SHROOM3: variants seen among roughly 807,000 people sequenced by gnomAD.
The protein encoded by SHROOM3 is protein Shroom3.
Under a neutral mutation model 138.6 loss-of-function variants are expected in SHROOM3, and 47 were observed. The ratio of observed to expected loss-of-function variants is 0.34; its 90% CI spans 0.27 to 0.43. The LOEUF is 0.43. Ranked by LOEUF, SHROOM3 falls within the 20% of genes least tolerant of loss-of-function variation. The probability of loss-of-function intolerance (pLI) is 1.00; values close to 1 mark genes in which losing one functional copy is unlikely to be tolerated. For missense variants in SHROOM3, 2,491 were observed against 2,596.5 expected (o/e 0.96, Z 0.88); for synonymous variants, 1,062 against 1,063.3 (o/e 1.00, Z 0.02).
intron 2 of SHROOM3, among the ~76,000 whole-genome samples, chr4:76,566,618 T>A (rs766216082): frequency 2.6e-5 from 4 of 152,202 alleles, no homozygotes; most frequent in Non-Finnish European, 5.9e-5. Context: ...TTTATTTAAT[T>A]TAACTGCTCT....
intron 1 of SHROOM3, among the ~76,000 whole-genome samples, chr4:76,548,368 G>A (rs1309603810): frequency 6.6e-6 from 1 of 152,176 alleles, no homozygotes; most frequent in Non-Finnish European, 1.5e-5. Flanking sequence ...AAACCCTGGA[G>A]AAGCACAACA....
At chr4:76,761,667 A>C (rs1721991528) in intron 9 of SHROOM3, among the ~76,000 whole-genome samples, 1 of 152,176 alleles carries the variant, frequency 6.6e-6, no homozygotes, top group Non-Finnish European at 1.5e-5. Flanking sequence ...GGGTATAACT[A>C]ACCAGAGCTA....
chr4:76,622,461 G>A (rs1175323951), intron 2 of SHROOM3, among the ~76,000 whole-genome samples: 1 of 151,974 alleles, frequency 6.6e-6, no homozygotes, highest in African/African-American at 2.4e-5. Context: ...CAAACGAACT[G>A]GTTCTTATGT....
At chr4:76,614,345 C>T (rs756548012) in intron 2 of SHROOM3, among the ~76,000 whole-genome samples, 4 of 152,120 alleles carry the variant, frequency 2.6e-5, no homozygotes, top group Non-Finnish European at 4.4e-5. Flanking sequence ...TGAGCCACTG[C>T]GCCCGGTCCT....
At chr4:76,567,699 G>A (rs1733755514) in intron 2 of SHROOM3, among the ~76,000 whole-genome samples, 1 of 152,026 alleles carries the variant, frequency 6.6e-6, no homozygotes, top group Admixed American at 6.6e-5. Flanking sequence ...TTTCTTTAAA[G>A]GTGTCTCTTA....
At chr4:76,758,269 T>C (rs1721884694) in intron 8 of SHROOM3, 1 of 152,188 alleles carries the variant, frequency 6.6e-6, no homozygotes, top group Non-Finnish European at 1.5e-5. Context: ...TTTGTAGGTG[T>C]GCCAGTCAGT....
intron 2 of SHROOM3, among the ~76,000 whole-genome samples, chr4:76,595,484 C>G (rs1445978447): frequency 2.0e-5 from 3 of 152,176 alleles, no homozygotes; most frequent in African/African-American, 7.2e-5. Context: ...TGCTGCAGCT[C>G]CAGGCATCAC....
chr4:76,614,257 T>C (rs906276981), intron 2 of SHROOM3, among the ~76,000 whole-genome samples: 1 of 152,070 alleles, frequency 6.6e-6, no homozygotes, highest in Non-Finnish European at 1.5e-5. Flanking sequence ...GGTTTCACCA[T>C]GTTAGCCAGG....
At chr4:76,709,927 C>T in intron 2 of SHROOM3, 2 of 510,884 alleles carry the variant, frequency 3.9e-6, no homozygotes, top group African/African-American at 1.9e-5. Flanking sequence ...TGCTTTATTG[C>T]TTCAGAGGAA....
At chr4:76,775,718 GTATATACACA>G (rs1358018159) in intron 10 of SHROOM3, among the ~76,000 whole-genome samples, 2 of 149,996 alleles carry the variant, frequency 1.3e-5, no homozygotes, top group Non-Finnish European at 3.0e-5. Context: ...TTGTATATGT[GTATATACACA>G]TATATACACA....
intron 2 of SHROOM3, among the ~76,000 whole-genome samples, chr4:76,599,518 C>G (rs1273858146): frequency 6.6e-6 from 1 of 152,140 alleles, no homozygotes; most frequent in Non-Finnish European, 1.5e-5. Flanking sequence ...ATCTTAAACC[C>G]TTTCTCATTG....
At chr4:76,518,382 C>T (rs1186108705) in intron 1 of SHROOM3, among the ~76,000 whole-genome samples, 1 of 152,136 alleles carries the variant, frequency 6.6e-6, no homozygotes, top group South Asian at 2.1e-4. Flanking sequence ...GATCATTTTC[C>T]CCATGTCTTT....
At chr4:76,508,760 A>G (rs192091433) in intron 1 of SHROOM3, among the ~76,000 whole-genome samples, 213 of 152,276 alleles carry the variant, frequency 1.4e-3, no homozygotes, top group Admixed American at 2.2e-3. Context: ...TATATGTGTC[A>G]TGGTACATTT....
Position 76,740,420 on chromosome 4 carries a change from G to A in SHROOM3, c.2247G>A (p.Ser749=). The change falls in exon 5 of 11, where the codon TCG becomes TCA. Residue 749 remains serine (S), a synonymous_variant. Transcript: ENST00000296043. The surrounding 1 kb of genome is among the most constrained non-coding windows in gnomAD (Gnocchi z 4.0). ...GTCCCGAAGAGCCGCCTGCCCCCTC[G>A]CACCCGCACACATCCAGTCTGGGCC... ...DPSPEEPPAP[S]HPHTSSLGRR... 6.2e-7 allele frequency: 1 copy of A among 1,612,880 alleles called. No individual in the cohort carries two copies. Among genetic ancestry groups the A allele is most frequent in the African/African-American group, 1.3e-5 (1 of 75,042 alleles).
At position 76,442,131 on chromosome 4, in the gene SHROOM3, C is replaced by T. The variant is rs112314943; in HGVS notation, c.168+5911C>T. Among the ~76,000 whole-genome samples, 902 of 152,354 alleles carry T rather than the reference C, an allele frequency of 5.9e-3. 16 individuals carry two copies. Among genetic ancestry groups the T allele is most frequent in the African/African-American group, 0.02 (851 of 41,578 alleles). ...TCGTTAAGGCCAGATGGGTTTTACT[C>T]ATGCTGTATATATTTCTTCTCTTAG... On this transcript the variant is annotated intron_variant, in intron 1 of 10. Transcript: ENST00000296043.
Position 76,671,248 on chromosome 4 carries a change from C to G in SHROOM3, c.324-38908C>G, listed in dbSNP as rs75413474. On this transcript the variant is annotated intron_variant, in intron 2 of 10. Coordinates refer to ENST00000296043, the MANE Select transcript of SHROOM3 (RefSeq NM_020859.4). The stretch of plus-strand genomic sequence containing the variant: ...GTGTACTCCCACGACTGTGCCCTAA[C>G]TGTTCTCCCTACCTCTGGCCTTGCC... Among the ~76,000 whole-genome samples the G allele has an allele frequency of 9.4e-3, 1,439 of 152,336 alleles. 13 individuals are homozygous for G. Among genetic ancestry groups the G allele is most frequent in the African/African-American group, 0.033 (1,356 of 41,574 alleles).
intron 2 of SHROOM3, among the ~76,000 whole-genome samples, chr4:76,556,329 A>G (rs1382173166): frequency 2.6e-5 from 4 of 152,214 alleles, no homozygotes; most frequent in African/African-American, 9.6e-5. Context: ...GGAGGAAATT[A>G]TTTATGGAAA....
At chr4:76,723,199 G>A (rs1720600374) in intron 3 of SHROOM3, among the ~76,000 whole-genome samples, 2 of 152,020 alleles carry the variant, frequency 1.3e-5, no homozygotes, top group Middle Eastern at 3.4e-3. Context: ...AAGCCTTCTG[G>A]CTGACTTCAG....
At chr4:76,638,882 G>A (rs1012852160) in intron 2 of SHROOM3, 1 of 152,168 alleles carries the variant, frequency 6.6e-6, no homozygotes, top group African/African-American at 2.4e-5. Flanking sequence ...ATCAAGAGAG[G>A]TGATTTGTTT....
Sources: gnomAD v4.1 joint callset for allele counts (sites outside exome capture counted in the v4.1 genomes callset) on GRCh38, gnomAD v4.1.1 for gene constraint, Gnocchi (gnomAD v3.1) non-coding constraint, MANE v1.5 for transcripts, NCBI Gene and HGNC (gene_info 2026-07-23, HGNC 2026-07-21) for gene names.